Variants in NRXN1 observed in about 807,000 individuals in gnomAD.
NRXN1 encodes the protein neurexin-1.
In NRXN1, 39 loss-of-function variants were observed where a neutral mutation model predicts 150.9. The ratio of observed to expected loss-of-function variants is 0.26; its 90% confidence interval spans 0.20 to 0.34. The LOEUF (loss-of-function observed/expected upper bound fraction) is 0.34. Ranked by LOEUF, NRXN1 falls within the 10% of genes least tolerant of loss-of-function variation. The pLI is 1.00. For synonymous variants in NRXN1, 924 were observed against 757.0 expected, an observed-to-expected ratio of 1.22 and a Z score of -3.62; for missense variants, 1,815 against 1,949.9, an observed-to-expected ratio of 0.93 and a Z score of 1.30.
At chr2:50,758,875 G>A (rs570868656) in intron 5 of NRXN1, among the ~76,000 whole-genome samples, 1 of 151,876 alleles carries the variant, frequency 6.6e-6, no homozygotes, top group Non-Finnish European at 1.5e-5. Context: ...TCCAACACGA[G>A]GATTCTTTCC....
intron 5 of NRXN1, among the ~76,000 whole-genome samples, chr2:50,838,044 A>C (rs1672353626): frequency 6.6e-6 from 1 of 152,090 alleles, no homozygotes; most frequent in African/African-American, 2.4e-5. Context: ...ATCTACCTTA[A>C]AGTTAAGGAG....
chr2:50,956,496 C>T (rs988070519), intron 2 of NRXN1, among the ~76,000 whole-genome samples: 4 of 151,960 alleles, frequency 2.6e-5, no homozygotes, highest in African/African-American at 7.3e-5. Flanking sequence ...GCCTGTAATC[C>T]CAACACTTTG....
chr2:50,699,392 T>A (rs1342175548), intron 5 of NRXN1, among the ~76,000 whole-genome samples: 1 of 152,140 alleles, frequency 6.6e-6, no homozygotes, highest in East Asian at 1.9e-4. Flanking sequence ...AGAGGAATGA[T>A]CCAGGATTAT....
At chr2:50,358,730 G>A (rs1452261286) in intron 17 of NRXN1, among the ~76,000 whole-genome samples, 3 of 152,206 alleles carry the variant, frequency 2.0e-5, no homozygotes, top group Admixed American at 6.5e-5. Flanking sequence ...CTGGAGCTCT[G>A]CTAAGGGACA....
At chr2:50,441,435 T>C (rs908617145) in intron 17 of NRXN1, among the ~76,000 whole-genome samples, 20 of 152,310 alleles carry the variant, frequency 1.3e-4, no homozygotes, top group African/African-American at 4.8e-4. Flanking sequence ...CAACTTTCCA[T>C]TGACACGGAA....
At chr2:51,009,908 A>C (rs952237613) in intron 2 of NRXN1, among the ~76,000 whole-genome samples, 1 of 151,894 alleles carries the variant, frequency 6.6e-6, no homozygotes, top group Non-Finnish European at 1.5e-5. Context: ...GAATTATTCA[A>C]TCTGACACAC....
intron 5 of NRXN1, among the ~76,000 whole-genome samples, chr2:50,683,648 T>A (rs866243227): frequency 0.11 from 2,116 of 18,514 alleles, 159 homozygotes; most frequent in African/African-American, 0.18. Context: ...AAAAAAAAAA[T>A]ATATATATAT....
intron 5 of NRXN1, among the ~76,000 whole-genome samples, chr2:50,831,902 C>T (rs1451221328): frequency 6.6e-6 from 1 of 152,244 alleles, no homozygotes; most frequent in African/African-American, 2.4e-5. Context: ...AGAGAAACAG[C>T]GTTCTGAGTG....
intron 8 of NRXN1, among the ~76,000 whole-genome samples, chr2:50,592,579 G>A (rs971325058): frequency 6.6e-6 from 1 of 152,170 alleles, no homozygotes; most frequent in Non-Finnish European, 1.5e-5. Flanking sequence ...CTTGCTCTTG[G>A]CTTAGGGAGT....
chr2:49,966,565 A>C (rs1342546509), intron 21 of NRXN1: 1 of 151,994 alleles, frequency 6.6e-6, no homozygotes, highest in Non-Finnish European at 1.5e-5. Flanking sequence ...AAAATCATGA[A>C]ATGTTAGACC....
chr2:50,335,297 A>C (rs1053296780), intron 17 of NRXN1, among the ~76,000 whole-genome samples: 1 of 152,192 alleles, frequency 6.6e-6, no homozygotes, highest in Non-Finnish European at 1.5e-5. Context: ...TAAATGCTAG[A>C]TTCTTAGCAT....
chr2:50,446,162 A>T lies in NRXN1; in HGVS notation c.3364+19280T>A, dbSNP rs529098859. Among the ~76,000 whole-genome samples, 17 of 152,300 alleles carry T rather than the reference A, an allele frequency of 1.1e-4. No individual in the cohort carries two copies. The South Asian group carries it at 3.3e-3, about 30-fold the overall frequency. ...AAAAGAAAGGTGTGCCTTCATCAAG[A>T]CACATAGTTGCAGAAAACCGTATCA... On this transcript the variant is annotated intron_variant, in intron 17 of 22. Coordinates refer to ENST00000401669, the MANE Select transcript of NRXN1 (RefSeq NM_001330078.2).
rs58130457 is a variant in NRXN1, at chr2:50,170,756, CGTGTGTGTGTGTGTGT to C, written c.3546+66017_3546+66032del. 6.3e-5 allele frequency among the ~76,000 whole-genome samples: 9 copies of C among 143,214 alleles called. No individual in the cohort carries two copies. In the South Asian group the frequency reaches 1.4e-3, roughly 22 times the overall value. 94.0% of individuals were successfully genotyped at this position (143,214 alleles called of 152,430 possible). ...GGACATTGAGTCTCTCTCTGTCTGT[CGTGTGTGTGTGTGTGT>C]GTGTGTGTGTGTGTGTGTGTGTATG... On this transcript the variant is annotated intron_variant, in intron 18 of 22. Coordinates refer to ENST00000401669, the MANE Select transcript of NRXN1 (RefSeq NM_001330078.2).
intron 5 of NRXN1, among the ~76,000 whole-genome samples, chr2:50,643,306 A>T (rs906372226): frequency 6.6e-6 from 1 of 151,770 alleles, no homozygotes; most frequent in African/African-American, 2.4e-5. Flanking sequence ...AATAAATTGT[A>T]AAAAAAAGTA....
chr2:50,038,227 T>G (rs1690349583), intron 21 of NRXN1, among the ~76,000 whole-genome samples: 1 of 152,210 alleles, frequency 6.6e-6, no homozygotes, highest in Admixed American at 6.5e-5. Flanking sequence ...AAGAAGGTCA[T>G]CAGTGTTTCT....
At chr2:50,675,998 A>C (rs1689486842) in intron 5 of NRXN1, among the ~76,000 whole-genome samples, 1 of 152,138 alleles carries the variant, frequency 6.6e-6, no homozygotes, top group Admixed American at 6.5e-5. Flanking sequence ...TGACTCATGT[A>C]AAAGTTGAAC....
At chr2:50,780,865 T>C (rs78403164) in intron 5 of NRXN1, among the ~76,000 whole-genome samples, 5,627 of 152,280 alleles carry the variant, frequency 0.037, 361 homozygotes, top group African/African-American at 0.13. Context: ...CCTCTGGGTA[T>C]CTTTCTCTTA....
chr2:51,008,237 A>G (rs938937224), intron 2 of NRXN1, among the ~76,000 whole-genome samples: 5 of 152,054 alleles, frequency 3.3e-5, no homozygotes, highest in African/African-American at 1.2e-4. Flanking sequence ...GAAGAGAGTC[A>G]GAGAGTAGCT....
chr2:50,636,628 C>G (rs1250907473), intron 5 of NRXN1, among the ~76,000 whole-genome samples: 2 of 152,150 alleles, frequency 1.3e-5, no homozygotes, highest in African/African-American at 4.8e-5. Context: ...AAGGAACTTC[C>G]CATAGCAACC....
Sources: gnomAD v4.1 joint callset for allele counts (sites outside exome capture counted in the v4.1 genomes callset) on GRCh38, gnomAD v4.1.1 for gene constraint, MANE v1.5 for transcripts, NCBI Gene and HGNC (gene_info 2026-07-23, HGNC 2026-07-21) for gene names.